Variants in PRKD1 observed in about 807,000 individuals in gnomAD.
PRKD1 encodes the protein protein kinase D1, also known as serine/threonine-protein kinase D1.
In PRKD1, 63 loss-of-function variants were observed where a neutral mutation model predicts 95.9. The observed-to-expected ratio is 0.66, with a 90% CI of 0.54 to 0.81. The LOEUF is 0.81. Ranked by LOEUF, PRKD1 falls within the 30% of genes least tolerant of loss-of-function variation. The pLI, the probability that PRKD1 is intolerant of heterozygous loss-of-function variation, is 0.00. For synonymous variants in PRKD1, 425 were observed against 423.1 expected (o/e 1.00, Z -0.05); for missense variants, 1,048 against 1,165.3 (o/e 0.90, Z 1.47).
At chr14:29,905,526 C>G (rs1417790516) in intron 1 of PRKD1, among the ~76,000 whole-genome samples, 1 of 151,796 alleles carries the variant, frequency 6.6e-6, no homozygotes, top group Non-Finnish European at 1.5e-5. Flanking sequence ...GTTGGGATAA[C>G]CATCTTCTGA....
intron 4 of PRKD1, among the ~76,000 whole-genome samples, chr14:29,656,658 A>G (rs965080416): frequency 1.3e-5 from 2 of 152,238 alleles, no homozygotes; most frequent in African/African-American, 4.8e-5. Flanking sequence ...TATACTAAAC[A>G]GTCTTTATAA....
At chr14:29,923,461 T>A (rs1199751800) in intron 1 of PRKD1, among the ~76,000 whole-genome samples, 1 of 152,108 alleles carries the variant, frequency 6.6e-6, no homozygotes, top group Non-Finnish European at 1.5e-5. Context: ...GTGTGGAGTA[T>A]CTAAAATTAG....
chr14:29,739,174 C>T (rs1315004778), intron 1 of PRKD1, among the ~76,000 whole-genome samples: 1 of 152,210 alleles, frequency 6.6e-6, no homozygotes, highest in Non-Finnish European at 1.5e-5. Flanking sequence ...CACCAGGTGT[C>T]TACCAACTTC....
At chr14:29,578,673 G>T (rs545907022) in intron 16 of PRKD1, among the ~76,000 whole-genome samples, 4 of 145,854 alleles carry the variant, frequency 2.7e-5, no homozygotes, top group Admixed American at 6.9e-5. Context: ...TAGAAATTTT[G>T]TTTATATGTA....
In PRKD1 at chr14:29,745,348, G is replaced by A. The variant is rs1282050093; in HGVS notation, c.265-19674C>T. 2.0e-5 allele frequency among the ~76,000 whole-genome samples: 3 copies of A among 152,182 alleles called. No homozygotes were observed. The East Asian group carries it at 5.8e-4, about 29-fold the overall frequency. Reference sequence around the variant, plus strand: ...TCCTAGTCACTGTTGTATCCCAAGAGACTACAACAGTGTCTGGTACACCGT... The same window carrying A: ...TCCTAGTCACTGTTGTATCCCAAGAAACTACAACAGTGTCTGGTACACCGT... On this transcript the variant is annotated intron_variant, in intron 1 of 17. Transcript: ENST00000331968.
intron 1 of PRKD1, among the ~76,000 whole-genome samples, chr14:29,882,560 C>T (rs1893550580): frequency 6.6e-6 from 1 of 152,118 alleles, no homozygotes; most frequent in Non-Finnish European, 1.5e-5. Context: ...TTAAAGTGTA[C>T]AGTTCAGTAA....
At chr14:29,733,871 G>T (rs4981056) in intron 1 of PRKD1, among the ~76,000 whole-genome samples, 26,900 of 151,780 alleles carry the variant, frequency 0.18, 2,643 homozygotes, top group South Asian at 0.27. Context: ...TAAAAGCTGT[G>T]TTTGGTTATT....
At chr14:29,747,901 G>A (rs568794003) in intron 1 of PRKD1, among the ~76,000 whole-genome samples, 118 of 151,784 alleles carry the variant, frequency 7.8e-4, no homozygotes, top group Admixed American at 1.8e-3. Flanking sequence ...CCACCACTAC[G>A]CCCAGCTAAT....
intron 1 of PRKD1, among the ~76,000 whole-genome samples, chr14:29,757,336 C>T (rs1218230608): frequency 1.3e-5 from 2 of 152,152 alleles, no homozygotes; most frequent in Non-Finnish European, 2.9e-5. Context: ...CAGAGCCATG[C>T]AGCTAAATGC....
intron 1 of PRKD1, among the ~76,000 whole-genome samples, chr14:29,879,167 A>G (rs780555463): frequency 6.6e-6 from 1 of 152,052 alleles, no homozygotes; most frequent in Non-Finnish European, 1.5e-5. Context: ...ATCCTTCTCT[A>G]TTATGCTCAC....
At chr14:29,611,745 C>CAAAAA (rs1878481628) in intron 13 of PRKD1, among the ~76,000 whole-genome samples, 2 of 49,394 alleles carry the variant, frequency 4.0e-5, no homozygotes, top group Admixed American at 2.1e-4. Flanking sequence ...TGAATTATTA[C>CAAAAA]CAAAAAAAAA....
At chr14:29,831,199 T>C (rs116612084) in intron 1 of PRKD1, among the ~76,000 whole-genome samples, 2,012 of 152,290 alleles carry the variant, frequency 0.013, 41 homozygotes, top group African/African-American at 0.041. Context: ...GGTAATACTA[T>C]TTGTCCCCAT....
chr14:29,661,868 A>T (rs2139206342), intron 4 of PRKD1, among the ~76,000 whole-genome samples: 1 of 152,348 alleles, frequency 6.6e-6, no homozygotes, highest in South Asian at 2.1e-4. Context: ...TAATTTTACA[A>T]GCATTCTTGA....
At chr14:29,736,258 C>T (rs1386489997) in intron 1 of PRKD1, among the ~76,000 whole-genome samples, 4 of 152,142 alleles carry the variant, frequency 2.6e-5, no homozygotes, top group African/African-American at 7.2e-5. Flanking sequence ...TATTGGTCTT[C>T]AACTGCTAAG....
At chr14:29,835,965 A>G (rs79289592) in intron 1 of PRKD1, among the ~76,000 whole-genome samples, 1 of 152,196 alleles carries the variant, frequency 6.6e-6, no homozygotes, top group Non-Finnish European at 1.5e-5. Context: ...AAAACCCAAT[A>G]TAATGTATTA....
At chr14:29,775,819 T>G (rs1594506960) in intron 1 of PRKD1, among the ~76,000 whole-genome samples, 1 of 152,284 alleles carries the variant, frequency 6.6e-6, no homozygotes, top group South Asian at 2.1e-4. Context: ...GCATGGAGTT[T>G]GAGATCTGAG....
intron 1 of PRKD1, among the ~76,000 whole-genome samples, chr14:29,843,383 C>T (rs1332536427): frequency 6.6e-6 from 1 of 152,196 alleles, no homozygotes; most frequent in Admixed American, 6.5e-5. Flanking sequence ...TTTTTTATGG[C>T]AGCTCCAGAA....
chr14:29,594,358 C>T (rs796301876), intron 16 of PRKD1, among the ~76,000 whole-genome samples: 8 of 152,124 alleles, frequency 5.3e-5, no homozygotes, highest in Non-Finnish European at 7.4e-5. Context: ...ATGATACGAT[C>T]GATCTTTGGT....
intron 2 of PRKD1, among the ~76,000 whole-genome samples, chr14:29,684,516 G>A (rs753007327): frequency 6.6e-6 from 1 of 152,096 alleles, no homozygotes; most frequent in Non-Finnish European, 1.5e-5. Context: ...ATCCTAAATA[G>A]CAAATTGTTG....
Sources: gnomAD v4.1 joint callset for allele counts (sites outside exome capture counted in the v4.1 genomes callset) on GRCh38, gnomAD v4.1.1 for gene constraint, MANE v1.5 for transcripts, NCBI Gene and HGNC (gene_info 2026-07-23, HGNC 2026-07-21) for gene names.